The following ELN variants were observed in gnomAD, a reference collection of about 807,000 sequenced individuals.
ELN encodes the protein elastin, also known as tropoelastin.
ELN carries 65 observed loss-of-function variants against 105.8 expected under a neutral mutation model. That is an observed-to-expected ratio of 0.61 (90% confidence interval 0.50 to 0.75). The LOEUF (loss-of-function observed/expected upper bound fraction) is 0.75. Among genes scored for constraint, ELN ranks in the 30% least tolerant of loss-of-function variants. The pLI is 0.00. For missense variants in ELN, 882 were observed against 969.4 expected (o/e 0.91, Z 1.20); for synonymous variants, 368 against 389.2 (o/e 0.95, Z 0.64).
intron 2 of ELN, 37 bp downstream of exon 2, chr7:74,035,451 C>T (rs371988098): frequency 1.4e-5 from 23 of 1,611,156 alleles, no homozygotes; most frequent in East Asian, 2.2e-5. Flanking sequence ...CCAGGTCATG[C>T]GGATGATGCT....
At chr7:74,065,432 T>G (rs1554688382) in intron 29 of ELN, among the ~76,000 whole-genome samples, 1 of 151,654 alleles carries the variant, frequency 6.6e-6, no homozygotes, top group Non-Finnish European at 1.5e-5. Context: ...CTGGCCAACA[T>G]GGTGAAACCT....
At chr7:74,057,877 T>C (rs1460735927) in intron 22 of ELN, among the ~76,000 whole-genome samples, 181 bp downstream of exon 22, 1 of 152,072 alleles carries the variant, frequency 6.6e-6, no homozygotes, top group African/African-American at 2.4e-5. Flanking sequence ...GTGTGGGTGA[T>C]GTTTCTGATT....
At chr7:74,064,248 T>C (rs1282993559) in intron 29 of ELN, among the ~76,000 whole-genome samples, 3 of 136,948 alleles carry the variant, frequency 2.2e-5, no homozygotes, top group African/African-American at 8.8e-5. Context: ...ACCCCGTCTC[T>C]ACTAAAAATA....
Position 74,043,413 on chromosome 7 carries a change from CG to C in ELN, c.427+248del. On this transcript the variant is annotated intron_variant, in intron 8 of 32. Transcript: ENST00000252034. ...AGAGACGGGCTCTGTGGCAGGCTGT[CG>C]GGCGACAGATGGGGAAACTGAGGCT... 7 of 717,102 alleles carry C rather than the reference CG, an allele frequency of 9.8e-6. No individual in the cohort carries two copies. In the South Asian group the frequency reaches 1.1e-4, roughly 11 times the overall value. 44.4% of individuals were successfully genotyped at this position (717,102 alleles called of 1,614,324 possible).
intron 15 of ELN, 57 bp from the exon 16 acceptor site, chr7:74,051,693 T>C (rs1351693557): frequency 3.8e-5 from 60 of 1,599,584 alleles, no homozygotes; most frequent in Middle Eastern, 1.7e-4. Context: ...GTGGCCATCC[T>C]GCCTGTCCTC....
Position 74,051,934 on chromosome 7 carries a change from T to C in ELN, c.900T>C (p.Thr300=), listed in dbSNP as rs782345774. ...TGGCTGTGTTTTCAGGCGTTGGGAC[T>C]CCAGCTGCAGCTGCAGCTGCAGCAG... The part of the protein sequence containing the change: ...PGIGGIAGVG[T]PAAAAAAAAA... The change falls in exon 17 of 33, where the codon ACT becomes ACC. Residue 300 remains threonine (T), a synonymous_variant. Coordinates refer to ENST00000252034, the MANE Select transcript of ELN (RefSeq NM_000501.4). 2.5e-6 allele frequency: 4 copies of C among 1,613,608 alleles called. No individual in the cohort carries two copies. The highest frequency in any genetic ancestry group is 2.7e-5 in the African/African-American group (2 of 74,920).
intron 21 of ELN, among the ~76,000 whole-genome samples, chr7:74,057,092 G>T (rs1183077603): frequency 6.6e-6 from 1 of 152,114 alleles, no homozygotes; most frequent in African/African-American, 2.4e-5. Flanking sequence ...ACAAAAATTA[G>T]CTGGGCATGG....
chr7:74,050,605 G>GCATTCATT lies in ELN; in HGVS notation c.800-1115_800-1108dup, dbSNP rs111893691. ...TGCACCCATCCATCCATTCACCCAT[G>GCATTCATT]CATTCATTCATTCATTCATTCATTC... On this transcript the variant is annotated intron_variant, in intron 15 of 32. Transcript: ENST00000252034. Among the ~76,000 whole-genome samples the GCATTCATT allele has an allele frequency of 3.4e-3, 505 of 150,732 alleles. 2 individuals carry two copies. The highest frequency in any genetic ancestry group is 0.01 in the Middle Eastern group (3 of 294).
rs534554036 is a variant in ELN, at chr7:74,051,992, C to T, written c.949+9C>T. ...TAAGGCAGCCAAGTATGGTGAGTGCCTCCCGGGGTGGCAAGTCCACGGCTC... is the reference window on the plus strand; with the variant it reads ...TAAGGCAGCCAAGTATGGTGAGTGCTTCCCGGGGTGGCAAGTCCACGGCTC... On this transcript the variant is annotated intron_variant, in intron 17 of 32. Coordinates refer to ENST00000252034, the MANE Select transcript of ELN (RefSeq NM_000501.4). The T allele has an allele frequency of 2.3e-5, 37 of 1,612,814 alleles. No homozygotes were observed. The African/African-American group carries it at 3.3e-4, about 15-fold the overall frequency.
intron 9 of ELN, 81 bp from the exon 10 acceptor site, chr7:74,045,140 TG>T: frequency 6.5e-7 from 1 of 1,540,822 alleles, no homozygotes; most frequent in Non-Finnish European, 8.9e-7. Flanking sequence ...GGAGGTCAGC[TG>T]GGGGACCCGA....
chr7:74,051,763 C>T lies in ELN; in HGVS notation c.813C>T (p.Ala271=), dbSNP rs782073662. The T allele has an allele frequency of 3.7e-6, 6 of 1,614,198 alleles. No individual in the cohort carries two copies. The highest frequency in any genetic ancestry group is 5.1e-6 in the Non-Finnish European group (6 of 1,180,024). The change falls in exon 16 of 33, where the codon GCC becomes GCT. Residue 271 remains alanine, a synonymous_variant. Transcript: ENST00000252034. The stretch of plus-strand genomic sequence containing the variant: ...CCATCTCAACAGGTGCTGGAGCAGC[C>T]GGAGTCCTCCCTGGTGTTGGAGGGG... The part of the protein sequence containing the change: ...KAAAKFGAGA[A]GVLPGVGGAG...
At chr7:74,043,953 G>A in intron 9 of ELN, 33 bp downstream of exon 9, 1 of 1,613,656 alleles carries the variant, frequency 6.2e-7, no homozygotes, top group Non-Finnish European at 8.5e-7. Context: ...GGACTCTATA[G>A]GAAGAAAGCA....
Position 74,039,147 on chromosome 7 carries a change from C to A in ELN, c.196+1408C>A, listed in dbSNP as rs55787610. Among the ~76,000 whole-genome samples the A allele has an allele frequency of 8.9e-4, 136 of 152,296 alleles. 1 individual carries two copies. The highest frequency in any genetic ancestry group is 3.1e-3 in the African/African-American group (128 of 41,552). ...CCCACTAGGAGCAAGAGACACATAG[C>A]AGGTTGTGGTTAAACACCAGAGGAA... On this transcript the variant is annotated intron_variant, in intron 4 of 32. Coordinates refer to ENST00000252034, the MANE Select transcript of ELN (RefSeq NM_000501.4).
rs560956598 is a variant in ELN, at chr7:74,058,961, C to T, written c.1415-925C>T. Among the ~76,000 whole-genome samples the T allele has an allele frequency of 3.5e-4, 53 of 152,218 alleles. 2 individuals are homozygous for T. The highest frequency in any genetic ancestry group is 1.2e-3 in the African/African-American group (51 of 41,526). Reference sequence around the variant, plus strand: ...TATTTGAGACGGGGTCTCACATTGTCGCCCAGGTTGGAGTGCAGTGATGCC... The same window carrying T: ...TATTTGAGACGGGGTCTCACATTGTTGCCCAGGTTGGAGTGCAGTGATGCC... On this transcript the variant is annotated intron_variant, in intron 22 of 32. Coordinates refer to ENST00000252034, the MANE Select transcript of ELN (RefSeq NM_000501.4).
At chr7:74,062,225 C>A (rs980429441) in intron 26 of ELN, 6 of 152,536 alleles carry the variant, frequency 3.9e-5, no homozygotes, top group Admixed American at 2.0e-4. Flanking sequence ...AAAATCCTGG[C>A]TTCCTCAGCG....
intron 22 of ELN, among the ~76,000 whole-genome samples, chr7:74,058,645 C>T (rs897420452): frequency 2.0e-5 from 3 of 152,176 alleles, no homozygotes; most frequent in Non-Finnish European, 4.4e-5. Context: ...CGTGAGCCAC[C>T]ACACCCGGCC....
At chr7:74,053,873 G>T (rs1554677965) in intron 18 of ELN, among the ~76,000 whole-genome samples, 1 of 151,914 alleles carries the variant, frequency 6.6e-6, no homozygotes, top group Non-Finnish European at 1.5e-5. Context: ...ATGGATGGGG[G>T]CATGGATGGA....
At chr7:74,050,422 AATCCATCT>A (rs1158750923) in intron 15 of ELN, among the ~76,000 whole-genome samples, 1 of 123,282 alleles carries the variant, frequency 8.1e-6, no homozygotes, top group Non-Finnish European at 1.7e-5. Context: ...TCCATCCATC[AATCCATCT>A]ATCCATCACT....
chr7:74,040,433 G>A (rs1487803162), intron 4 of ELN, among the ~76,000 whole-genome samples: 1 of 152,228 alleles, frequency 6.6e-6, no homozygotes, highest in Non-Finnish European at 1.5e-5. Flanking sequence ...GAGGGACGAG[G>A]AGTGGTTAGT....
Sources: gnomAD v4.1 joint callset for allele counts (sites outside exome capture counted in the v4.1 genomes callset) on GRCh38, gnomAD v4.1.1 for gene constraint, MANE v1.5 for transcripts, NCBI Gene and HGNC (gene_info 2026-07-23, HGNC 2026-07-21) for gene names.